Variants in NT5DC1 observed in about 807,000 individuals in gnomAD.
The protein encoded by NT5DC1 is 5'-nucleotidase domain containing 1, also known as 5'-nucleotidase domain-containing protein 1.
In NT5DC1, 42 loss-of-function variants were observed where a neutral mutation model predicts 59.4. That is an observed-to-expected ratio of 0.71 (90% CI 0.55 to 0.92). NT5DC1 has a LOEUF of 0.92. NT5DC1 is among the 40% of genes least tolerant of loss of function. The pLI, the probability that NT5DC1 is intolerant of heterozygous loss-of-function variation, is 0.00. For synonymous variants in NT5DC1, 172 were observed against 188.1 expected (o/e 0.91, Z 0.70); for missense variants, 501 against 537.1 (o/e 0.93, Z 0.66).
intron 8 of NT5DC1, among the ~76,000 whole-genome samples, chr6:116,236,315 G>C (rs1012823958): frequency 6.6e-6 from 1 of 152,144 alleles, no homozygotes; most frequent in Non-Finnish European, 1.5e-5. Context: ...TTCAGCTCAC[G>C]TACAAGTAAT....
intron 8 of NT5DC1, among the ~76,000 whole-genome samples, chr6:116,225,556 A>C (rs1320168585): frequency 6.6e-6 from 1 of 152,202 alleles, no homozygotes; most frequent in African/African-American, 2.4e-5. Context: ...GAAAAAGTCC[A>C]CTGAAATGAG....
At chr6:116,121,671 G>T in intron 6 of NT5DC1, 1 of 1,613,798 alleles carries the variant, frequency 6.2e-7, no homozygotes, top group Non-Finnish European at 8.5e-7. Context: ...ATTCCAGCCG[G>T]TCCAGGGATT....
intron 8 of NT5DC1, among the ~76,000 whole-genome samples, chr6:116,235,365 A>AT (rs1782096351): frequency 6.6e-6 from 1 of 152,172 alleles, no homozygotes; most frequent in Non-Finnish European, 1.5e-5. Flanking sequence ...CTAGTACATG[A>AT]TTTTGGCTTC....
chr6:116,164,780 GTTTGGGAAAT>G (rs1780423858), intron 6 of NT5DC1, among the ~76,000 whole-genome samples: 1 of 152,076 alleles, frequency 6.6e-6, no homozygotes, highest in African/African-American at 2.4e-5. Flanking sequence ...GCATTTGTTT[GTTTGGGAAAT>G]ACTTTATTTC....
intron 6 of NT5DC1, among the ~76,000 whole-genome samples, chr6:116,162,923 C>G (rs777466099): frequency 6.6e-6 from 1 of 151,688 alleles, no homozygotes; most frequent in South Asian, 2.1e-4. Context: ...GTCAGGAGAT[C>G]GAGACCATCC....
chr6:116,243,224 C>T (rs1771771018), intron 11 of NT5DC1, among the ~76,000 whole-genome samples: 1 of 152,156 alleles, frequency 6.6e-6, no homozygotes, highest in African/African-American at 2.4e-5. Context: ...TAGTAACCCT[C>T]ATCCTGTGAC....
rs1302306063 is a variant in NT5DC1 at position 116,121,141 on chromosome 6, T to A, written c.529+3196T>A. On this transcript the variant is annotated intron_variant, in intron 6 of 11. Coordinates refer to ENST00000319550, the MANE Select transcript of NT5DC1 (RefSeq NM_152729.3). ...GCTTCCCAGGAAGACCTGCTGGCCC[T>A]TGTTCCCCTTTGGCACCTGGACCCC... 3 of 1,613,386 alleles carry A rather than the reference T, an allele frequency of 1.9e-6. No homozygotes were observed. The highest frequency in any genetic ancestry group is 2.7e-5 in the African/African-American group (2 of 75,024).
In NT5DC1 at chr6:116,221,091, T is replaced by C. The variant is rs756328381; in HGVS notation, c.567T>C (p.Asp189=). The C allele has an allele frequency of 1.3e-6, 2 of 1,557,352 alleles. No individual in the cohort carries two copies. The highest frequency in any genetic ancestry group is 8.8e-7 in the Non-Finnish European group (1 of 1,131,954). ...CGIYFPEIKR[D]PGRYLHSCPE... is the part of the protein sequence containing the mutation. The stretch of plus-strand genomic sequence containing the variant: ...TATATTTTCCAGAAATAAAAAGAGA[T>C]CCAGGCAGATATTTACATAGTTGTC... The change falls in exon 7 of 12, where the codon GAT becomes GAC. Residue 189 remains aspartate, a synonymous_variant. Coordinates refer to ENST00000319550, the MANE Select transcript of NT5DC1 (RefSeq NM_152729.3).
rs149788553 is a variant in NT5DC1 at position 116,119,827 on chromosome 6, A to G, written c.529+1882A>G. 0.021 allele frequency: 8,449 copies of G among 400,364 alleles called. 138 individuals are homozygous for G. Among genetic ancestry groups the G allele is most frequent in the Non-Finnish European group, 0.029 (6,517 of 225,910 alleles). The allele number at this position is 400,364 out of a possible 1,614,324, so 24.8% of individuals were successfully genotyped here. A position where few individuals can be genotyped will look rare whatever the true frequency, so the allele number is the denominator to read the frequency against. On this transcript the variant is annotated intron_variant, in intron 6 of 11. Coordinates refer to ENST00000319550, the MANE Select transcript of NT5DC1 (RefSeq NM_152729.3). ...CAGGACTTCTTTGGTGATATTTTTT[A>G]ATATTGGAGAAAACCTTAAAGAGCC... is the stretch of plus-strand genomic sequence containing the variant.
At chr6:116,204,757 C>T (rs140369691) in intron 6 of NT5DC1, among the ~76,000 whole-genome samples, 7 of 151,974 alleles carry the variant, frequency 4.6e-5, no homozygotes, top group East Asian at 1.9e-4. Flanking sequence ...AAGAATGAAG[C>T]GTTTCTAGAA....
chr6:116,201,383 T>A (rs544701177), intron 6 of NT5DC1, among the ~76,000 whole-genome samples: 1 of 152,130 alleles, frequency 6.6e-6, no homozygotes, highest in South Asian at 2.1e-4. Flanking sequence ...TATTTGAACA[T>A]AGTTTGTTAC....
chr6:116,110,095 C>T (rs73772250), intron 3 of NT5DC1, among the ~76,000 whole-genome samples: 6,999 of 152,110 alleles, frequency 0.046, 221 homozygotes, highest in African/African-American at 0.089. Context: ...TTAAAACTTA[C>T]GAATTGTTTG....
intron 10 of NT5DC1, 116 bp downstream of exon 10, chr6:116,238,464 T>TAAAAAAAAAAAAAAA (rs56266433): frequency 8.0e-6 from 2 of 248,832 alleles, no homozygotes; most frequent in African/African-American, 2.4e-5. Context: ...ACCATCATGT[T>TAAAAAAAAAAAAAAA]AAAAAAAAAA....
intron 6 of NT5DC1, among the ~76,000 whole-genome samples, chr6:116,171,814 A>G (rs1780612853): frequency 6.6e-6 from 1 of 152,236 alleles, no homozygotes; most frequent in African/African-American, 2.4e-5. Context: ...ATTTGCATAA[A>G]TGTGCAATTT....
intron 6 of NT5DC1, among the ~76,000 whole-genome samples, chr6:116,182,218 G>GGAGAGAGAGA (rs570519967): frequency 7.5e-6 from 1 of 133,330 alleles, no homozygotes; most frequent in Non-Finnish European, 1.6e-5. Context: ...AGTATTCCAT[G>GGAGAGAGAGA]GAGAGTGTGT....
At chr6:116,111,882 G>A (rs1196831849) in intron 4 of NT5DC1, among the ~76,000 whole-genome samples, 1 of 152,162 alleles carries the variant, frequency 6.6e-6, no homozygotes, top group African/African-American at 2.4e-5. Flanking sequence ...AAGTCAGATG[G>A]GAGGAAAGCC....
intron 6 of NT5DC1, chr6:116,120,145 G>A (rs1274090130): frequency 1.9e-6 from 3 of 1,614,052 alleles, no homozygotes; most frequent in Middle Eastern, 1.7e-4. Context: ...CATTTGACTC[G>A]GCATTGGGAA....
chr6:116,151,517 C>A (rs1368803482), intron 6 of NT5DC1, among the ~76,000 whole-genome samples: 1 of 152,030 alleles, frequency 6.6e-6, no homozygotes, highest in Non-Finnish European at 1.5e-5. Context: ...CATGCTGCTC[C>A]TTGTTTAAAT....
intron 6 of NT5DC1, among the ~76,000 whole-genome samples, chr6:116,200,201 A>T (rs1440020306): frequency 1.3e-5 from 2 of 152,058 alleles, no homozygotes; most frequent in East Asian, 3.9e-4. Flanking sequence ...ATTGAAGGAC[A>T]TTCTACAAAA....
Sources: gnomAD v4.1 joint callset for allele counts (sites outside exome capture counted in the v4.1 genomes callset) on GRCh38, gnomAD v4.1.1 for gene constraint, MANE v1.5 for transcripts, NCBI Gene and HGNC (gene_info 2026-07-23, HGNC 2026-07-21) for gene names.